Variants in IST1 observed in about 807,000 individuals in gnomAD.
The protein encoded by IST1 is IST1 homolog.
Under a neutral mutation model 37.0 loss-of-function variants are expected in IST1, and 23 were observed. The observed-to-expected ratio is 0.62, with a 90% CI of 0.45 to 0.88. IST1 has a LOEUF of 0.88. IST1 is among the 40% of genes least tolerant of loss of function. IST1 has a pLI of 0.00. For missense variants in IST1, 488 were observed against 445.4 expected (o/e 1.10, Z -0.86); for synonymous variants, 180 against 161.7 (o/e 1.11, Z -0.86).
intron 9 of IST1, 65 bp from the exon 10 acceptor site, chr16:71,927,549 A>G: frequency 8.8e-7 from 1 of 1,135,226 alleles, no homozygotes; most frequent in Non-Finnish European, 1.3e-6. Flanking sequence ...TTTTATTTTT[A>G]CTGCCAAAGG....
intron 4 of IST1, among the ~76,000 whole-genome samples, chr16:71,919,329 C>G (rs1235110453): frequency 2.4e-4 from 35 of 143,968 alleles, no homozygotes; most frequent in Admixed American, 2.4e-3. Flanking sequence ...GGCCTTTGCA[C>G]TGCTGTTTTC....
At chr16:71,904,198 G>A (rs1002269087) in intron 1 of IST1, among the ~76,000 whole-genome samples, 1 of 152,046 alleles carries the variant, frequency 6.6e-6, no homozygotes, top group Non-Finnish European at 1.5e-5. Context: ...ATCTCCGCTC[G>A]CTGCAATCTC....
intron 1 of IST1, among the ~76,000 whole-genome samples, chr16:71,907,627 G>A (rs2037255794): frequency 6.6e-6 from 1 of 152,016 alleles, no homozygotes; most frequent in South Asian, 2.1e-4. Flanking sequence ...AAGACCCCTT[G>A]CTGTTGTCCT....
At position 71,908,296 on chromosome 16, in the gene IST1, C is replaced by CTG. The variant is rs749816250; in HGVS notation, c.-15-7329_-15-7328insGT. Reference sequence around the variant, plus strand: ...GAGAAATTTCCCTTACTCGTTGTAGCTTTTTTTTTTTTTTTTTTTTTTGGA... The same window carrying CTG: ...GAGAAATTTCCCTTACTCGTTGTAGCTGTTTTTTTTTTTTTTTTTTTTTTGGA... On this transcript the variant is annotated intron_variant, in intron 1 of 9. Coordinates refer to ENST00000378799, the MANE Select transcript of IST1 (RefSeq NM_001270975.2). Among the ~76,000 whole-genome samples the CTG allele has an allele frequency of 5.2e-5, 4 of 76,820 alleles. No homozygotes were observed. The South Asian group carries it at 1.9e-3, about 36-fold the overall frequency. 50.4% of individuals were successfully genotyped at this position (76,820 alleles called of 152,430 possible).
upstream of IST1, chr16:71,895,213 G>A (rs114801282): frequency 4.5e-4 from 82 of 181,212 alleles, no homozygotes; most frequent in Non-Finnish European, 8.0e-4. Flanking sequence ...CACTGGGCGC[G>A]GTGAGGCCGT....
At chr16:71,924,557 C>T in intron 8 of IST1, 1 of 596,500 alleles carries the variant, frequency 1.7e-6, no homozygotes. Context: ...TATCACTGCA[C>T]TCCAGCCTGG....
At chr16:71,916,366 A>G (rs893187040) in intron 2 of IST1, 96 bp from the exon 3 acceptor site, 5 of 1,197,782 alleles carry the variant, frequency 4.2e-6, no homozygotes, top group Non-Finnish European at 1.2e-6. Flanking sequence ...AGGATATAGT[A>G]GAAACACCCA....
At chr16:71,910,772 C>T (rs370100210) in intron 1 of IST1, among the ~76,000 whole-genome samples, 57 of 152,186 alleles carry the variant, frequency 3.7e-4, no homozygotes, top group African/African-American at 1.3e-3. Flanking sequence ...AATATTCTTA[C>T]TCAAGTATAT....
At chr16:71,920,632 GT>G in intron 4 of IST1, 106 bp from the exon 5 acceptor site, 2 of 737,994 alleles carry the variant, frequency 2.7e-6, no homozygotes, top group South Asian at 1.7e-5. Flanking sequence ...AGACTCCAGT[GT>G]TTTGGAAATC....
At chr16:71,901,540 G>A (rs185531270) in intron 1 of IST1, among the ~76,000 whole-genome samples, 615 of 152,200 alleles carry the variant, frequency 4.0e-3, no homozygotes, top group Non-Finnish European at 5.9e-3. Flanking sequence ...TTCGTTTTTA[G>A]TCTGATTTAT....
chr16:71,921,236 T>G (rs1023580990), intron 5 of IST1, 107 bp from the exon 6 acceptor site: 3 of 703,008 alleles, frequency 4.3e-6, no homozygotes, highest in African/African-American at 1.8e-5. Context: ...AACCTTTTTT[T>G]CCCTCAATAT....
intron 1 of IST1, among the ~76,000 whole-genome samples, chr16:71,901,663 G>A (rs2037111916): frequency 6.6e-6 from 1 of 152,150 alleles, no homozygotes; most frequent in African/African-American, 2.4e-5. Flanking sequence ...TTGAATAGGA[G>A]TTGAAAAATC....
At chr16:71,909,434 C>G (rs1010386593) in intron 1 of IST1, among the ~76,000 whole-genome samples, 4 of 152,152 alleles carry the variant, frequency 2.6e-5, no homozygotes, top group Admixed American at 6.6e-5. Context: ...GAACACTTAG[C>G]ATTCTTCTAC....
chr16:71,922,611 GC>G lies in IST1; in HGVS notation c.693del (p.Met232CysfsTer54), dbSNP rs2037628149. On this transcript the variant is annotated frameshift_variant, in exon 7 of 10. Transcript: ENST00000378799. LOFTEE classifies it high-confidence loss of function. ...GTGGACCTGATGGAACGGTGCCAAT[GC>G]CCATGCCCATGCCCATGCCTATGCC... ...VGGPDGTVPM[P>X]MPMPMPMPSA... 3 of 705,836 alleles carry G rather than the reference GC, an allele frequency of 4.3e-6. No homozygotes were observed. In the South Asian group the frequency reaches 1.2e-4, roughly 29 times the overall value. 43.7% of individuals were successfully genotyped at this position (705,836 alleles called of 1,614,324 possible). A position where few individuals can be genotyped will look rare whatever the true frequency, so the allele number is the denominator to read the frequency against.
rs780072465 is a variant in IST1, at chr16:71,895,552, A to C, written c.-53A>C. On this transcript the variant is annotated 5_prime_UTR_variant, in exon 1 of 10. Coordinates refer to ENST00000378799, the MANE Select transcript of IST1 (RefSeq NM_001270975.2). ...CGCCATTTTGGATGGTGAACCCTGA[A>C]GTCGGTGTCTGCTGCGTTCACGGCA... The C allele has an allele frequency of 2.4e-5, 24 of 985,642 alleles. No homozygotes were observed. Among genetic ancestry groups the C allele is most frequent in the Non-Finnish European group, 2.9e-5 (24 of 830,062 alleles). The allele number at this position is 985,642 out of a possible 1,614,324, so 61.1% of individuals were successfully genotyped here.
rs949352939 is a variant in IST1 at position 71,929,661 on chromosome 16, T to C, written c.*1848T>C. ...TTGAGAGCTTCTGTAGCAGTGTATC[T>C]ATTAGTGCAGCTTCTTTCTGAGTAT... On this transcript the variant is annotated 3_prime_UTR_variant, in exon 10 of 10. Coordinates refer to ENST00000378799, the MANE Select transcript of IST1 (RefSeq NM_001270975.2). 1.3e-6 allele frequency: 2 copies of C among 1,549,638 alleles called. No individual in the cohort carries two copies. Among genetic ancestry groups the C allele is most frequent in the Non-Finnish European group, 8.7e-7 (1 of 1,146,274 alleles).
At chr16:71,909,095 C>CTTTTTTTTTTTT (rs34086105) in intron 1 of IST1, among the ~76,000 whole-genome samples, 5 of 102,944 alleles carry the variant, frequency 4.9e-5, no homozygotes, top group East Asian at 3.6e-4. Context: ...TTTTGTTTGT[C>CTTTTTTTTTTTT]TTTTTTTTTT....
intron 1 of IST1, among the ~76,000 whole-genome samples, chr16:71,900,425 C>T (rs2037081667): frequency 7.0e-6 from 1 of 142,440 alleles, no homozygotes; most frequent in African/African-American, 2.7e-5. Context: ...CTATTTTGGG[C>T]AGCAGTTCTG....
chr16:71,896,089 G>C (rs1034562055), intron 1 of IST1, among the ~76,000 whole-genome samples: 4 of 152,244 alleles, frequency 2.6e-5, no homozygotes, highest in African/African-American at 9.6e-5. Flanking sequence ...TGGGGGAACG[G>C]ACTTGGGTCC....
Sources: allele counts gnomAD v4.1 joint callset (sites outside exome capture counted in the v4.1 genomes callset), GRCh38; gene constraint gnomAD v4.1.1; transcripts MANE v1.5; gene names NCBI Gene and HGNC (gene_info 2026-07-23, HGNC 2026-07-21).